ZFHX3: variants seen among roughly 807,000 people sequenced by gnomAD.
ZFHX3 encodes zinc finger homeobox protein 3.
A neutral mutation model predicts 279.1 loss-of-function variants in ZFHX3; 42 were observed. The ratio of observed to expected loss-of-function variants is 0.15; its 90% CI spans 0.12 to 0.19. The LOEUF (loss-of-function observed/expected upper bound fraction) is 0.19. Among genes scored for constraint, ZFHX3 ranks in the 10% least tolerant of loss-of-function variants. The pLI, the probability that ZFHX3 is intolerant of heterozygous loss-of-function variation, is 1.00. For missense variants in ZFHX3, 4,981 were observed against 4,754.0 expected (o/e 1.05, Z -1.40); for synonymous variants, 2,293 against 1,957.8 (o/e 1.17, Z -4.52).
intron 2 of ZFHX3, among the ~76,000 whole-genome samples, chr16:73,514,327 T>C (rs932690617): frequency 1.3e-5 from 2 of 152,212 alleles, no homozygotes; most frequent in African/African-American, 4.8e-5. Context: ...GTTAAGTGAA[T>C]ACTATTATTA....
chr16:73,107,401 AT>A (rs1966318378), intron 7 of ZFHX3, among the ~76,000 whole-genome samples: 3 of 152,176 alleles, frequency 2.0e-5, no homozygotes, highest in Admixed American at 1.3e-4. Flanking sequence ...TGAAAAAAGG[AT>A]ATAAGGCAGC....
At chr16:73,862,009 C>T (rs988071318) in intron 1 of ZFHX3, among the ~76,000 whole-genome samples, 5 of 152,160 alleles carry the variant, frequency 3.3e-5, no homozygotes, top group African/African-American at 9.7e-5. Context: ...GTTAACTACC[C>T]ACCTTCCCAA....
In ZFHX3 at chr16:72,793,056, G is replaced by A. The variant is rs1437753955; in HGVS notation, c.9427+199C>T. ...GAGTGGTTTCAAAGGAGACTGTTCC[G>A]ACCAGGAGGTCCCATCCCTGACACA... On this transcript the variant is annotated intron_variant, in intron 9 of 9. Coordinates refer to ENST00000268489, the MANE Select transcript of ZFHX3 (RefSeq NM_006885.4). The surrounding 1 kb of genome is among the most constrained non-coding windows in gnomAD (Gnocchi z 4.3). 2.6e-5 allele frequency among the ~76,000 whole-genome samples: 4 copies of A among 152,184 alleles called. No homozygotes were observed. The highest frequency in any genetic ancestry group is 4.4e-5 in the Non-Finnish European group (3 of 68,038).
intron 8 of ZFHX3, among the ~76,000 whole-genome samples, chr16:73,076,380 C>T (rs1268016852): frequency 6.6e-6 from 1 of 152,150 alleles, no homozygotes; most frequent in East Asian, 1.9e-4. Flanking sequence ...GATACGTTAT[C>T]AAGGACAAAC....
intron 1 of ZFHX3, among the ~76,000 whole-genome samples, chr16:73,682,999 G>GAAAGAA (rs1427987428): frequency 2.4e-5 from 2 of 84,392 alleles, no homozygotes; most frequent in African/African-American, 6.3e-5. Context: ...AGAAAAGAAA[G>GAAAGAA]AAAGAAAGAA....
intron 2 of ZFHX3, among the ~76,000 whole-genome samples, chr16:73,466,319 A>C (rs1274672334): frequency 6.6e-6 from 1 of 152,186 alleles, no homozygotes; most frequent in African/African-American, 2.4e-5. Context: ...CTGTCTCTAC[A>C]AAAAAGTAGG....
At chr16:73,094,158 A>G (rs1258997948) in intron 7 of ZFHX3, among the ~76,000 whole-genome samples, 1 of 152,228 alleles carries the variant, frequency 6.6e-6, no homozygotes, top group African/African-American at 2.4e-5. Context: ...ACCTTTGAAA[A>G]TAATGCCTGA....
At chr16:73,200,857 T>C (rs1012713280) in intron 5 of ZFHX3, among the ~76,000 whole-genome samples, 1 of 152,236 alleles carries the variant, frequency 6.6e-6, no homozygotes, top group African/African-American at 2.4e-5. Flanking sequence ...AATTATGTAT[T>C]ACCTGTTACG....
chr16:72,958,605 G>A lies in ZFHX3; in HGVS notation c.1541C>T (p.Ala514Val), dbSNP rs373719878. ...EDRPHEEPGA[A>V]AGSSSKKDLA... ...GTCCTTTTTGCTGCTACTACCTGCT[G>A]CGGCCCCAGGCTCCTCATGGGGCCT... is the stretch of plus-strand genomic sequence containing the variant. The change falls in exon 2 of 10, where the codon GCA becomes GTA. Residue 514 changes from alanine (A) to valine (V), a missense_variant. Physicochemically the swap from Ala to Val is moderately conservative, Grantham distance 64. Coordinates refer to ENST00000268489, the MANE Select transcript of ZFHX3 (RefSeq NM_006885.4). The A allele has an allele frequency of 1.4e-4, 227 of 1,614,010 alleles. No homozygotes were observed. Among genetic ancestry groups the A allele is most frequent in the Non-Finnish European group, 1.8e-4 (211 of 1,180,026 alleles).
intron 4 of ZFHX3, among the ~76,000 whole-genome samples, chr16:73,280,437 T>C (rs1290349401): frequency 6.6e-6 from 1 of 151,796 alleles, no homozygotes; most frequent in Non-Finnish European, 1.5e-5. Context: ...GATTGAAAAA[T>C]GGGCAAAGGA....
intron 2 of ZFHX3, chr16:73,487,506 T>A: frequency 7.4e-6 from 3 of 405,668 alleles, no homozygotes; most frequent in South Asian, 5.5e-5. Context: ...GCTCAAGTGA[T>A]CTTCCCACCT....
chr16:73,817,722 A>G (rs1239981485), intron 1 of ZFHX3, among the ~76,000 whole-genome samples: 1 of 152,164 alleles, frequency 6.6e-6, no homozygotes, highest in African/African-American at 2.4e-5. Flanking sequence ...AGTGCTGGAC[A>G]TTGTTCTGGG....
At chr16:73,728,941 A>T (rs2053545413) in intron 1 of ZFHX3, among the ~76,000 whole-genome samples, 1 of 152,018 alleles carries the variant, frequency 6.6e-6, no homozygotes, top group African/African-American at 2.4e-5. Flanking sequence ...ACCCAGAAGT[A>T]ACCAGCAGAC....
chr16:73,569,234 C>T (rs1041643675), intron 2 of ZFHX3, among the ~76,000 whole-genome samples: 1 of 152,154 alleles, frequency 6.6e-6, no homozygotes, highest in Non-Finnish European at 1.5e-5. Flanking sequence ...ACCTTCCTGT[C>T]GTTACCAATG....
rs376294336 is a variant in ZFHX3 at position 73,876,450 on chromosome 16, G to A, written c.-1608+15201C>T. Among the ~76,000 whole-genome samples, 20 of 152,288 alleles carry A rather than the reference G, an allele frequency of 1.3e-4. No homozygotes were observed. In the South Asian group the frequency reaches 3.9e-3, roughly 30 times the overall value. On this transcript the variant is annotated intron_variant, in intron 1 of 17. Coordinates refer to the ZFHX3 transcript ENST00000641206. ...TATTCAGACCACATGCATATTAAAT[G>A]TCATGCCTAAGTGTCAGTGATAAGA...
At position 72,796,342 on chromosome 16, in the gene ZFHX3, G is replaced by A. The variant is rs901925115; in HGVS notation, c.6340C>T (p.Leu2114=). Residue 2114 remains leucine (L), a synonymous_variant, in exon 9 of 10, where the codon CTA becomes TTA. Transcript: ENST00000268489. The part of the protein sequence containing the change: ...TMPLQTLPAQ[L]PPQLGPVEPL... ...TCCACAGGTCCCAGCTGCGGGGGTA[G>A]CTGAGCCGGCAAGGTCTGCAGCGGC... 6.2e-7 allele frequency: 1 copy of A among 1,614,088 alleles called. No homozygotes were observed. Among genetic ancestry groups the A allele is most frequent in the Non-Finnish European group, 8.5e-7 (1 of 1,180,020 alleles).
chr16:73,391,213 T>A (rs1007287031), intron 3 of ZFHX3, among the ~76,000 whole-genome samples: 4 of 152,110 alleles, frequency 2.6e-5, no homozygotes, highest in African/African-American at 9.7e-5. Context: ...CGGTGGCTCA[T>A]GCCTGTAATT....
chr16:73,152,024 T>C (rs1261629501), intron 5 of ZFHX3, among the ~76,000 whole-genome samples: 1 of 144,090 alleles, frequency 6.9e-6, no homozygotes, highest in East Asian at 2.2e-4. Context: ...GAGAAGCCAC[T>C]CTGTGGAGGA....
chr16:73,780,944 T>A (rs573884881), intron 1 of ZFHX3, among the ~76,000 whole-genome samples: 51 of 152,330 alleles, frequency 3.3e-4, no homozygotes, highest in African/African-American at 1.2e-3. Flanking sequence ...TGGGTACACA[T>A]GAAAGGTAAT....
Sources: allele counts gnomAD v4.1 joint callset (sites outside exome capture counted in the v4.1 genomes callset), GRCh38; gene constraint gnomAD v4.1.1; non-coding constraint Gnocchi (gnomAD v3.1); transcripts MANE v1.5; gene names NCBI Gene and HGNC (gene_info 2026-07-23, HGNC 2026-07-21).